The following FXR1 variants were observed in gnomAD, a reference collection of about 807,000 sequenced individuals.
FXR1 encodes the protein RNA-binding protein FXR1.
Under a neutral mutation model 84.0 loss-of-function variants are expected in FXR1, and 15 were observed. The ratio of observed to expected loss-of-function variants is 0.18; its 90% CI spans 0.12 to 0.27. The LOEUF (loss-of-function observed/expected upper bound fraction) is 0.27, where lower values mean the gene tolerates loss of function less well. FXR1 is among the 10% of genes least tolerant of loss of function. The pLI is 1.00. For synonymous variants in FXR1, 245 were observed against 250.7 expected (o/e 0.98, Z 0.21); for missense variants, 480 against 774.4 (o/e 0.62, Z 4.51).
chr3:180,932,087 A>AAAAAAAC (rs1190261322), intron 1 of FXR1, among the ~76,000 whole-genome samples: 1 of 150,310 alleles, frequency 6.7e-6, no homozygotes, highest in Admixed American at 6.6e-5. Context: ...AAAAAAAAAA[A>AAAAAAAC]AAACAACTTT....
At chr3:180,928,948 G>A (rs780718357) in intron 1 of FXR1, among the ~76,000 whole-genome samples, 18 of 151,504 alleles carry the variant, frequency 1.2e-4, no homozygotes, top group Non-Finnish European at 2.5e-4. Context: ...TTTAGACAGA[G>A]TTTCACTCTT....
chr3:180,919,125 T>G (rs1718244111), intron 1 of FXR1, among the ~76,000 whole-genome samples: 1 of 152,194 alleles, frequency 6.6e-6, no homozygotes, highest in African/African-American at 2.4e-5. Flanking sequence ...ATGCCTTTGC[T>G]TTAGACAAAT....
At chr3:180,976,001 T>C in intron 16 of FXR1, 121 bp from the exon 17 acceptor site, 1 of 650,758 alleles carries the variant, frequency 1.5e-6, no homozygotes, top group Non-Finnish European at 2.7e-6. Context: ...AATACTTTGA[T>C]CCATTGTGGT....
At chr3:180,953,100 C>G (rs1478765504) in intron 8 of FXR1, among the ~76,000 whole-genome samples, 2 of 152,100 alleles carry the variant, frequency 1.3e-5, no homozygotes, top group Admixed American at 1.3e-4. Context: ...ATATTGGCCT[C>G]CCAAAGTGCA....
intron 1 of FXR1, among the ~76,000 whole-genome samples, chr3:180,918,768 C>T (rs1226764348): frequency 1.3e-5 from 2 of 152,164 alleles, no homozygotes; most frequent in Non-Finnish European, 2.9e-5. Flanking sequence ...GTCCCATCTA[C>T]CTCTAGCAAC....
chr3:180,950,877 T>C (rs1235279500), intron 7 of FXR1, among the ~76,000 whole-genome samples: 1 of 152,166 alleles, frequency 6.6e-6, no homozygotes, highest in Non-Finnish European at 1.5e-5. Flanking sequence ...TGCTTTCACC[T>C]CTTTACTGTC....
intron 1 of FXR1, among the ~76,000 whole-genome samples, chr3:180,932,088 A>AAAAAAAAAC (rs1439899331): frequency 3.3e-5 from 5 of 150,326 alleles, no homozygotes; most frequent in South Asian, 2.1e-4. Context: ...AAAAAAAAAA[A>AAAAAAAAAC]AACAACTTTT....
chr3:180,914,158 A>C (rs1340054004), intron 1 of FXR1, among the ~76,000 whole-genome samples: 1 of 152,196 alleles, frequency 6.6e-6, no homozygotes, highest in East Asian at 1.9e-4. Flanking sequence ...AGTAGTTAAC[A>C]TTGACGTTCT....
intron 1 of FXR1, among the ~76,000 whole-genome samples, chr3:180,930,257 A>G (rs1188431425): frequency 2.0e-5 from 3 of 151,716 alleles, no homozygotes; most frequent in Non-Finnish European, 4.4e-5. Context: ...GTGAGACTCC[A>G]TCTCAAAAAA....
At chr3:180,932,100 T>G (rs1720007797) in intron 1 of FXR1, among the ~76,000 whole-genome samples, 1 of 74,264 alleles carries the variant, frequency 1.3e-5, no homozygotes, top group Non-Finnish European at 3.0e-5. Flanking sequence ...ACAACTTTTT[T>G]GTTGTTGTAA....
At chr3:180,956,534 A>G (rs1459425679) in intron 9 of FXR1, among the ~76,000 whole-genome samples, 2 of 152,158 alleles carry the variant, frequency 1.3e-5, no homozygotes, top group South Asian at 2.1e-4. Context: ...TGGTATGTCA[A>G]CCTAATCTTT....
chr3:180,974,160 CT>C (rs200685504), intron 15 of FXR1, among the ~76,000 whole-genome samples: 37 of 143,224 alleles, frequency 2.6e-4, no homozygotes, highest in Non-Finnish European at 1.8e-4. Context: ...AGTTTCAATT[CT>C]TTTTTTTTTT....
chr3:180,956,781 A>G (rs1302837878), intron 9 of FXR1, among the ~76,000 whole-genome samples: 2 of 152,070 alleles, frequency 1.3e-5, no homozygotes, highest in Non-Finnish European at 2.9e-5. Flanking sequence ...GGAATACAAG[A>G]GAGAAAAACC....
At position 180,977,188 on chromosome 3, in the gene FXR1, C is replaced by T. The variant is rs1398497988; in HGVS notation, c.*896C>T. 6.6e-6 allele frequency: 1 copy of T among 151,700 alleles called. No individual in the cohort carries two copies. Among genetic ancestry groups the T allele is most frequent in the Non-Finnish European group, 1.5e-5 (1 of 67,866 alleles). 9.4% of individuals were successfully genotyped at this position (151,700 alleles called of 1,614,324 possible). On this transcript the variant is annotated 3_prime_UTR_variant, in exon 17 of 17. Transcript: ENST00000357559. Reference sequence around the variant, plus strand: ...TTTTTTTAACTTTCTACTTTTTACACCAATTGTTGCAAAATAGTTGGAGCT... The same window carrying T: ...TTTTTTTAACTTTCTACTTTTTACATCAATTGTTGCAAAATAGTTGGAGCT...
chr3:180,935,724 A>C (rs1216130460), intron 3 of FXR1, among the ~76,000 whole-genome samples: 1 of 152,194 alleles, frequency 6.6e-6, no homozygotes, highest in East Asian at 1.9e-4. Context: ...ATTTAAAAGT[A>C]CAGAAAAGCA....
intron 15 of FXR1, chr3:180,971,056 G>A (rs1713504716): frequency 9.0e-7 from 1 of 1,109,132 alleles, no homozygotes; most frequent in Non-Finnish European, 1.2e-6. Flanking sequence ...ATAGTTCATG[G>A]TAAACTTTGC....
At position 180,979,541 on chromosome 3, in the gene FXR1, C is replaced by T. The variant is rs1299623226; in HGVS notation, c.*3249C>T. Reference sequence around the variant, plus strand: ...ATATCTGTCTGCTATAGTGAATTTGCTAGCCCCTTATTTTTTTTTTTAATT... The same window carrying T: ...ATATCTGTCTGCTATAGTGAATTTGTTAGCCCCTTATTTTTTTTTTTAATT... On this transcript the variant is annotated 3_prime_UTR_variant, in exon 17 of 17. Transcript: ENST00000357559. 1 of 151,976 alleles carries T rather than the reference C, an allele frequency of 6.6e-6. No homozygotes were observed. Among genetic ancestry groups the T allele is most frequent in the Admixed American group, 6.6e-5 (1 of 15,236 alleles). 9.4% of individuals were successfully genotyped at this position (151,976 alleles called of 1,614,324 possible).
intron 15 of FXR1, among the ~76,000 whole-genome samples, chr3:180,974,132 T>A (rs1383992529): frequency 6.6e-6 from 1 of 150,868 alleles, no homozygotes; most frequent in Non-Finnish European, 1.5e-5. Flanking sequence ...TGGTATTTCT[T>A]AAAATCAGTG....
chr3:180,944,902 C>T (rs73046158), intron 3 of FXR1, among the ~76,000 whole-genome samples: 3,626 of 152,322 alleles, frequency 0.024, 82 homozygotes, highest in African/African-American at 0.062. Flanking sequence ...GGATTACGGG[C>T]GTGAGCCCCA....
Sources: gnomAD v4.1 joint callset for allele counts (sites outside exome capture counted in the v4.1 genomes callset) on GRCh38, gnomAD v4.1.1 for gene constraint, MANE v1.5 for transcripts, NCBI Gene and HGNC (gene_info 2026-07-23, HGNC 2026-07-21) for gene names.